The following MAPK6 variants were observed in gnomAD, a reference collection of about 807,000 sequenced individuals.
MAPK6 encodes the protein mitogen-activated protein kinase 6.
MAPK6 carries 19 observed loss-of-function variants against 59.3 expected under a neutral mutation model. The observed-to-expected ratio is 0.32, with a 90% CI of 0.22 to 0.47. The LOEUF (loss-of-function observed/expected upper bound fraction) is 0.47. MAPK6 is among the 20% of genes least tolerant of loss of function. The pLI is 1.00. For synonymous variants in MAPK6, 316 were observed against 290.3 expected (o/e 1.09, Z -0.90); for missense variants, 724 against 847.9 (o/e 0.85, Z 1.81).
intron 1 of MAPK6, among the ~76,000 whole-genome samples, chr15:52,041,707 AG>A (rs2031423266): frequency 6.6e-6 from 1 of 152,174 alleles, no homozygotes; most frequent in South Asian, 2.1e-4. Flanking sequence ...CTAAGAGTTA[AG>A]GTGATAAGGA....
chr15:52,062,864 G>A (rs1194491968), intron 5 of MAPK6, among the ~76,000 whole-genome samples: 1 of 148,626 alleles, frequency 6.7e-6, no homozygotes, highest in Admixed American at 6.6e-5. Context: ...TGATGCTTCA[G>A]AGTAGGATGG....
rs1470109508 is a variant in MAPK6, at chr15:52,066,509, C to T, written c.*1509C>T. On this transcript the variant is annotated 3_prime_UTR_variant, in exon 6 of 6. Coordinates refer to ENST00000261845, the MANE Select transcript of MAPK6 (RefSeq NM_002748.4). ...AAAACTTGAGATTTGCTCTGTAATACATCTTTGCGTAAGAACTTACCCTTT... is the reference window on the plus strand; with the variant it reads ...AAAACTTGAGATTTGCTCTGTAATATATCTTTGCGTAAGAACTTACCCTTT... 6.6e-6 allele frequency: 1 copy of T among 152,142 alleles called. No homozygotes were observed. 9.4% of individuals were successfully genotyped at this position (152,142 alleles called of 1,614,324 possible).
intron 1 of MAPK6, among the ~76,000 whole-genome samples, chr15:52,029,443 T>C (rs1187059573): frequency 6.6e-6 from 1 of 152,198 alleles, no homozygotes; most frequent in African/African-American, 2.4e-5. Flanking sequence ...GATGGTCTCA[T>C]TCAACTCATT....
chr15:52,043,440 G>A (rs1009174105), intron 1 of MAPK6, among the ~76,000 whole-genome samples: 6 of 151,892 alleles, frequency 4.0e-5, no homozygotes, highest in African/African-American at 1.5e-4. Context: ...TGGGATTACA[G>A]GCACCTATCA....
At chr15:52,000,731 C>T (rs1255686515) in intron 2 of MAPK6, among the ~76,000 whole-genome samples, 3 of 151,426 alleles carry the variant, frequency 2.0e-5, no homozygotes, top group South Asian at 2.1e-4. Context: ...TCCCAGAAGG[C>T]GGAGGTTGCA....
chr15:52,054,859 C>G (rs2031912365), intron 3 of MAPK6, among the ~76,000 whole-genome samples: 2 of 152,086 alleles, frequency 1.3e-5, no homozygotes, highest in South Asian at 2.1e-4. Context: ...GCGATCTTGG[C>G]TCACTGCAAC....
Position 52,064,268 on chromosome 15 carries a change from T to C in MAPK6, c.1434T>C (p.Asn478=). The change falls in exon 6 of 6, where the codon AAT becomes AAC. Residue 478 remains asparagine, a synonymous_variant. Coordinates refer to ENST00000261845, the MANE Select transcript of MAPK6 (RefSeq NM_002748.4). ...YEPKLIIDLS[N]WKEQSKEKSD... is the part of the protein sequence containing the mutation. ...CCAAGCTTATTATAGATCTTTCCAA[T>C]TGGAAAGAACAAAGCAAAGAAAAAT... 6.2e-7 allele frequency: 1 copy of C among 1,610,592 alleles called. No individual in the cohort carries two copies. Among genetic ancestry groups the C allele is most frequent in the African/African-American group, 1.3e-5 (1 of 74,798 alleles).
chr15:51,976,266 CAAAA>C (rs774556505), intron 1 of MAPK6, among the ~76,000 whole-genome samples: 5 of 45,188 alleles, frequency 1.1e-4, no homozygotes, highest in African/African-American at 3.0e-4. Flanking sequence ...ACTCCCATCT[CAAAA>C]AAAAAAAAAA....
At chr15:51,998,123 T>C (rs1451552353) in intron 2 of MAPK6, among the ~76,000 whole-genome samples, 3 of 151,924 alleles carry the variant, frequency 2.0e-5, no homozygotes, top group Non-Finnish European at 4.4e-5. Context: ...TTTGTATTTT[T>C]AGTAGAGACG....
chr15:52,058,610 T>G lies in MAPK6; in HGVS notation c.701-23T>G, dbSNP rs774461915. 15 of 1,567,582 alleles carry G rather than the reference T, an allele frequency of 9.6e-6. No homozygotes were observed. Among genetic ancestry groups the G allele is most frequent in the East Asian group, 6.9e-5 (3 of 43,784 alleles). On this transcript the variant is annotated intron_variant, in intron 3 of 5. Transcript: ENST00000261845. ...TAAGTAAACATTGAGGAATGTGTTT[T>G]TTTGTTTGTTTTTTAACCTCAGGTG...
At chr15:52,053,188 C>T (rs1393104069) in intron 3 of MAPK6, among the ~76,000 whole-genome samples, 1 of 150,764 alleles carries the variant, frequency 6.6e-6, no homozygotes, top group Admixed American at 6.6e-5. Context: ...TTCTCCTGCT[C>T]TCAGCCTCCC....
chr15:52,049,068 C>T (rs531099876), intron 2 of MAPK6, among the ~76,000 whole-genome samples: 71 of 152,298 alleles, frequency 4.7e-4, no homozygotes, highest in African/African-American at 1.6e-3. Context: ...GAGTTAATAT[C>T]TACCATCACA....
At chr15:52,041,085 C>G (rs887231624) in intron 1 of MAPK6, among the ~76,000 whole-genome samples, 2 of 152,166 alleles carry the variant, frequency 1.3e-5, no homozygotes, top group Non-Finnish European at 2.9e-5. Flanking sequence ...GAAAGGGTCC[C>G]TTTATGTTAC....
At chr15:52,063,117 G>C (rs1311149138) in intron 5 of MAPK6, among the ~76,000 whole-genome samples, 1 of 152,124 alleles carries the variant, frequency 6.6e-6, no homozygotes, top group Non-Finnish European at 1.5e-5. Context: ...TGCCAGGCTG[G>C]AGTGCAATGG....
intron 2 of MAPK6, among the ~76,000 whole-genome samples, chr15:51,994,469 T>A (rs1459238966): frequency 6.6e-6 from 1 of 152,140 alleles, no homozygotes. Context: ...TGAGGTTTCA[T>A]CATGATTATC....
chr15:51,983,822 T>G (rs1449256788), intron 2 of MAPK6, among the ~76,000 whole-genome samples: 1 of 152,018 alleles, frequency 6.6e-6, no homozygotes, highest in Non-Finnish European at 1.5e-5. Context: ...ATTACTAAAA[T>G]AATAATAAGA....
chr15:52,062,457 A>G (rs1418121411), intron 5 of MAPK6, among the ~76,000 whole-genome samples: 1 of 152,192 alleles, frequency 6.6e-6, no homozygotes, highest in East Asian at 1.9e-4. Flanking sequence ...TCATAAAGTG[A>G]AATAATTGGA....
chr15:51,982,996 T>C (rs1474782478), intron 1 of MAPK6, among the ~76,000 whole-genome samples: 1 of 152,228 alleles, frequency 6.6e-6, no homozygotes, highest in Non-Finnish European at 1.5e-5. Flanking sequence ...GATGTATGGA[T>C]AAGTTTAACT....
chr15:52,031,029 A>G (rs1479402161), intron 1 of MAPK6, among the ~76,000 whole-genome samples: 2 of 152,024 alleles, frequency 1.3e-5, no homozygotes, highest in Admixed American at 1.3e-4. Context: ...CTTGACCTCA[A>G]AGGATCCACC....
Sources: allele counts gnomAD v4.1 joint callset (sites outside exome capture counted in the v4.1 genomes callset), GRCh38; gene constraint gnomAD v4.1.1; transcripts MANE v1.5; gene names NCBI Gene and HGNC (gene_info 2026-07-23, HGNC 2026-07-21).